FYN: variants seen among roughly 807,000 people sequenced by gnomAD.
The protein encoded by FYN is tyrosine-protein kinase Fyn.
FYN carries 10 observed loss-of-function variants against 70.2 expected under a neutral mutation model. The ratio of observed to expected loss-of-function variants is 0.14; its 90% CI spans 0.09 to 0.24. The LOEUF is 0.24. Among genes scored for constraint, FYN ranks in the 10% least tolerant of loss-of-function variants. The pLI, the probability that FYN is intolerant of heterozygous loss-of-function variation, is 1.00. For missense variants in FYN, 319 were observed against 673.1 expected (o/e 0.47, Z 5.82); for synonymous variants, 236 against 248.6 (o/e 0.95, Z 0.48).
chr6:111,721,614 A>T (rs706899), intron 3 of FYN, among the ~76,000 whole-genome samples: 20,031 of 151,932 alleles, frequency 0.13, 2,566 homozygotes, highest in African/African-American at 0.33. Context: ...CATGTTGGTC[A>T]GGCTGGTCTT....
At chr6:111,787,103 C>T (rs1353649500) in intron 2 of FYN, among the ~76,000 whole-genome samples, 2 of 152,162 alleles carry the variant, frequency 1.3e-5, no homozygotes, top group East Asian at 1.9e-4. Context: ...GCTTTTGTTG[C>T]CATTGCTTTT....
chr6:111,663,975 A>G (rs753068543), intron 13 of FYN, among the ~76,000 whole-genome samples: 13 of 152,196 alleles, frequency 8.5e-5, no homozygotes, highest in Non-Finnish European at 1.8e-4. Context: ...TCTGAACACC[A>G]TCAAGTTTTT....
chr6:111,750,394 T>C (rs1240760324), intron 3 of FYN, among the ~76,000 whole-genome samples: 1 of 152,158 alleles, frequency 6.6e-6, no homozygotes, highest in Non-Finnish European at 1.5e-5. Context: ...CCCCTTTGCC[T>C]TCCGCCATGA....
chr6:111,733,657 G>C (rs1583380267), intron 3 of FYN, among the ~76,000 whole-genome samples: 1 of 152,114 alleles, frequency 6.6e-6, no homozygotes, highest in Admixed American at 6.5e-5. Flanking sequence ...CTGTGGTACA[G>C]AGCGTGTCAC....
intron 3 of FYN, among the ~76,000 whole-genome samples, chr6:111,776,465 TGG>T (rs1268306518): frequency 6.6e-6 from 1 of 152,254 alleles, no homozygotes; most frequent in Non-Finnish European, 1.5e-5. Context: ...CTGTTATCTC[TGG>T]ACTTGGCCAT....
chr6:111,809,696 T>A (rs1281976484), intron 2 of FYN, among the ~76,000 whole-genome samples: 2 of 152,236 alleles, frequency 1.3e-5, no homozygotes, highest in Non-Finnish European at 2.9e-5. Context: ...CTCGGAGCCT[T>A]CAGGCATGGG....
chr6:111,838,174 T>TA (rs912371637), intron 2 of FYN, among the ~76,000 whole-genome samples: 3 of 152,184 alleles, frequency 2.0e-5, no homozygotes, highest in African/African-American at 4.8e-5. Flanking sequence ...GTCCCTCCTT[T>TA]AAAAAAATCA....
chr6:111,835,639 T>TA (rs1192755619), intron 2 of FYN, among the ~76,000 whole-genome samples: 1 of 152,156 alleles, frequency 6.6e-6, no homozygotes, highest in African/African-American at 2.4e-5. Context: ...GATTTTTTTT[T>TA]AGATAAGGTG....
intron 2 of FYN, chr6:111,793,954 C>CTGAGA (rs1249137091): frequency 6.6e-6 from 1 of 152,178 alleles, no homozygotes; most frequent in Non-Finnish European, 1.5e-5. Flanking sequence ...GCAGGCAGCC[C>CTGAGA]CCACAGGAAG....
chr6:111,689,929 C>T (rs804189), intron 12 of FYN, among the ~76,000 whole-genome samples: 3,212 of 152,130 alleles, frequency 0.021, 125 homozygotes, highest in African/African-American at 0.072. Context: ...TGTTATAGCT[C>T]ATAAAGAACA....
intron 10 of FYN, among the ~76,000 whole-genome samples, chr6:111,695,341 T>C: frequency 6.6e-6 from 1 of 152,134 alleles, no homozygotes; most frequent in African/African-American, 2.4e-5. Context: ...GGCAGATGGT[T>C]CCCCTTAATT....
At chr6:111,852,424 T>G (rs1425752937) in intron 1 of FYN, among the ~76,000 whole-genome samples, 1 of 152,158 alleles carries the variant, frequency 6.6e-6, no homozygotes, top group Non-Finnish European at 1.5e-5. Context: ...ACAAACACCG[T>G]GTGGAGACAG....
chr6:111,821,101 C>A, intron 2 of FYN, among the ~76,000 whole-genome samples: 1 of 152,106 alleles, frequency 6.6e-6, no homozygotes. Context: ...ATAAAGGGAT[C>A]ATAGTTATCT....
intron 2 of FYN, among the ~76,000 whole-genome samples, chr6:111,840,202 C>T (rs1318887097): frequency 2.6e-5 from 4 of 152,136 alleles, no homozygotes; most frequent in Non-Finnish European, 4.4e-5. Context: ...AGAAAATGCC[C>T]CCCAAAAGGT....
At chr6:111,802,895 T>C (rs1278155990) in intron 2 of FYN, among the ~76,000 whole-genome samples, 1 of 152,040 alleles carries the variant, frequency 6.6e-6, no homozygotes, top group Non-Finnish European at 1.5e-5. Context: ...GTAGAGTGGG[T>C]TTCTTAAATA....
At chr6:111,871,759 G>T (rs1272920269) in intron 1 of FYN, among the ~76,000 whole-genome samples, 3 of 152,212 alleles carry the variant, frequency 2.0e-5, no homozygotes, top group African/African-American at 7.2e-5. Flanking sequence ...AAGAACGAGG[G>T]GATGGGGAGG....
chr6:111,691,062 C>T (rs1799293810), intron 12 of FYN, among the ~76,000 whole-genome samples: 1 of 152,146 alleles, frequency 6.6e-6, no homozygotes, highest in South Asian at 2.1e-4. Flanking sequence ...AGTGAGATGT[C>T]CAGGGAATAG....
chr6:111,766,510 T>C (rs1295987369), intron 3 of FYN, among the ~76,000 whole-genome samples: 2 of 152,242 alleles, frequency 1.3e-5, no homozygotes, highest in East Asian at 1.9e-4. Flanking sequence ...TCTTGCTGTC[T>C]ATATTAGTCC....
intron 2 of FYN, among the ~76,000 whole-genome samples, chr6:111,823,942 G>A (rs1180832239): frequency 6.6e-6 from 1 of 152,176 alleles, no homozygotes; most frequent in Admixed American, 6.5e-5. Flanking sequence ...TCATTAGAAT[G>A]CTATTTTTAA....
Sources: gnomAD v4.1 joint callset for allele counts (sites outside exome capture counted in the v4.1 genomes callset) on GRCh38, gnomAD v4.1.1 for gene constraint, MANE v1.5 for transcripts, NCBI Gene and HGNC (gene_info 2026-07-23, HGNC 2026-07-21) for gene names.